Variants in MGAT5B observed in about 807,000 individuals in gnomAD.
MGAT5B encodes alpha-1,6-mannosylglycoprotein 6-beta-N-acetylglucosaminyltransferase B, also known as N-acetylglucosaminyl-transferase Vb.
MGAT5B carries 54 observed loss-of-function variants against 95.1 expected under a neutral mutation model. The observed-to-expected ratio is 0.57, with a 90% CI of 0.46 to 0.71. The LOEUF is 0.71. Among genes scored for constraint, MGAT5B ranks in the 30% least tolerant of loss-of-function variants. The pLI, the probability that MGAT5B is intolerant of heterozygous loss-of-function variation, is 0.00. For synonymous variants in MGAT5B, 464 were observed against 451.0 expected (o/e 1.03, Z -0.36); for missense variants, 935 against 1,088.6 (o/e 0.86, Z 1.99).
chr17:76,943,331 G>T (rs78531576), intron 15 of MGAT5B, among the ~76,000 whole-genome samples: 6 of 152,086 alleles, frequency 3.9e-5, no homozygotes. Context: ...CCAAACCAAC[G>T]GAGGCCCCTC....
intron 8 of MGAT5B, among the ~76,000 whole-genome samples, chr17:76,907,030 G>C (rs1968555532): frequency 6.6e-6 from 1 of 151,178 alleles, no homozygotes; most frequent in South Asian, 2.1e-4. Context: ...ACCTTAACTT[G>C]AACTTTGTGT....
chr17:76,926,492 T>C (rs1288993961), intron 9 of MGAT5B, 105 bp from the exon 10 acceptor site: 5 of 1,165,400 alleles, frequency 4.3e-6, no homozygotes, highest in South Asian at 1.5e-5. Context: ...TGTGCTACTC[T>C]GACTCCACCA....
At position 76,906,509 on chromosome 17, in the gene MGAT5B, C is replaced by T. The variant is rs956246627; in HGVS notation, c.1025+322C>T. 2.0e-5 allele frequency among the ~76,000 whole-genome samples: 3 copies of T among 152,220 alleles called. No homozygotes were observed. Among genetic ancestry groups the T allele is most frequent in the African/African-American group, 7.2e-5 (3 of 41,460 alleles). On this transcript the variant is annotated intron_variant, in intron 8 of 17. Transcript: ENST00000569840. This position sits in a 1 kb window ranked among gnomAD's most constrained non-coding sequence, Gnocchi z 4.6. ...TGAGCCACGTCTGCACGTGGGGTCC[C>T]CTCTGCCTGCCGTCCTGGAAGGCTT...
At chr17:76,895,091 C>A (rs147871526) in intron 3 of MGAT5B, among the ~76,000 whole-genome samples, 2 of 152,136 alleles carry the variant, frequency 1.3e-5, no homozygotes, top group African/African-American at 4.8e-5. Flanking sequence ...GCTCGCGTTA[C>A]CACTTGAGCT....
intron 2 of MGAT5B, among the ~76,000 whole-genome samples, chr17:76,873,586 T>C (rs1967080549): frequency 6.6e-6 from 1 of 152,210 alleles, no homozygotes; most frequent in African/African-American, 2.4e-5. Context: ...AGAGGTTGGA[T>C]TGAAGGGGCT....
intron 10 of MGAT5B, among the ~76,000 whole-genome samples, chr17:76,928,880 A>ATTTTT (rs60955244): frequency 2.7e-5 from 4 of 146,206 alleles, no homozygotes; most frequent in Non-Finnish European, 4.5e-5. Flanking sequence ...GTCATGAATA[A>ATTTTT]TTTTTTTTTT....
intron 16 of MGAT5B, 25 bp from the exon 17 acceptor site, chr17:76,947,805 C>G (rs760775878): frequency 2.0e-6 from 3 of 1,524,358 alleles, no homozygotes; most frequent in South Asian, 1.3e-5. Flanking sequence ...ACTTCCCCAC[C>G]CTGACACTGC....
At chr17:76,922,338 G>A (rs1190642989) in intron 8 of MGAT5B, among the ~76,000 whole-genome samples, 1 of 152,322 alleles carries the variant, frequency 6.6e-6, no homozygotes, top group East Asian at 1.9e-4. Context: ...CTGCAAGGAA[G>A]GATACAGAGG....
rs763130120 is a variant in MGAT5B, at chr17:76,949,052, G to A, written c.*214G>A. ...CCCTGGGACCTCCCAGGCAGGCTCC[G>A]GTTCTCTCCTGGGGACTCACAGAAG... On this transcript the variant is annotated 3_prime_UTR_variant, in exon 18 of 18. Transcript: ENST00000569840. The A allele has an allele frequency of 1.8e-5, 11 of 610,004 alleles. No individual in the cohort carries two copies. Among genetic ancestry groups the A allele is most frequent in the Middle Eastern group, 4.4e-4 (1 of 2,272 alleles). 37.8% of individuals were successfully genotyped at this position (610,004 alleles called of 1,614,324 possible).
chr17:76,911,530 C>T (rs1024341495), intron 8 of MGAT5B, among the ~76,000 whole-genome samples: 4 of 152,202 alleles, frequency 2.6e-5, no homozygotes, highest in South Asian at 2.1e-4. Flanking sequence ...CAGGGCATCA[C>T]GTGGGAACCT....
rs769734555 is a variant in MGAT5B at position 76,905,276 on chromosome 17, G to A, written c.798G>A (p.Ala266=). Reference sequence around the variant, plus strand: ...CCAAGAGGCTCACAGCCCAGTGGGCGCTGGCTGCCCAGCGCCTGGCACAGA... The same window carrying A: ...CCAAGAGGCTCACAGCCCAGTGGGCACTGGCTGCCCAGCGCCTGGCACAGA... ...KRTKRLTAQW[A]LAAQRLAQKL... is the part of the protein sequence containing the mutation. The change falls in exon 7 of 18, where the codon GCG becomes GCA. Residue 266 remains alanine, a synonymous_variant. Coordinates refer to ENST00000569840, the MANE Select transcript of MGAT5B (RefSeq NM_001199172.2). This position sits in a 1 kb window ranked among gnomAD's most constrained non-coding sequence, Gnocchi z 4.2. 5 of 1,611,234 alleles carry A rather than the reference G, an allele frequency of 3.1e-6. No homozygotes were observed. The highest frequency in any genetic ancestry group is 4.5e-5 in the East Asian group (2 of 44,798).
chr17:76,912,070 C>T lies in MGAT5B; in HGVS notation c.1025+5883C>T, dbSNP rs75588375. 0.022 allele frequency among the ~76,000 whole-genome samples: 3,365 copies of T among 152,230 alleles called. 106 individuals carry two copies. The highest frequency in any genetic ancestry group is 0.069 in the African/African-American group (2,857 of 41,532). Reference sequence around the variant, plus strand: ...CTTTGCCTGGTGGCCTCCCTGTGAGCGTGTCTGTGTCCAGATTTCCCCTCC... The same window carrying T: ...CTTTGCCTGGTGGCCTCCCTGTGAGTGTGTCTGTGTCCAGATTTCCCCTCC... On this transcript the variant is annotated intron_variant, in intron 8 of 17. Transcript: ENST00000569840. The surrounding 1 kb of genome is among the most constrained non-coding windows in gnomAD (Gnocchi z 5.0).
intron 16 of MGAT5B, 74 bp from the exon 17 acceptor site, chr17:76,947,756 G>A: frequency 1.4e-6 from 2 of 1,477,680 alleles, no homozygotes; most frequent in South Asian, 2.9e-5. Flanking sequence ...GCACGGCAGG[G>A]CCACACCTTC....
intron 2 of MGAT5B, among the ~76,000 whole-genome samples, chr17:76,879,017 G>T (rs865941391): frequency 6.6e-6 from 1 of 152,200 alleles, no homozygotes; most frequent in Admixed American, 6.5e-5. Flanking sequence ...CCTTGACTGG[G>T]CCCATGCCAC....
At chr17:76,887,938 G>A (rs781442231) in intron 3 of MGAT5B, among the ~76,000 whole-genome samples, 4 of 151,686 alleles carry the variant, frequency 2.6e-5, no homozygotes, top group Admixed American at 2.0e-4. Flanking sequence ...CAGCTCACTC[G>A]AGTAAGAGCC....
rs748063664 is a variant in MGAT5B, at chr17:76,950,351, AAAT to A, written c.*1519_*1521del. ...CTTTTTTTTAAAGATTTATTTCTTG[AAAT>A]AATAAATATTTTATTGGGATGTGAG... On this transcript the variant is annotated 3_prime_UTR_variant, in exon 18 of 18. Transcript: ENST00000569840. 4 of 152,768 alleles carry A rather than the reference AAAT, an allele frequency of 2.6e-5. No homozygotes were observed. The highest frequency in any genetic ancestry group is 1.9e-4 in the East Asian group (1 of 5,194). 9.5% of individuals were successfully genotyped at this position (152,768 alleles called of 1,614,324 possible).
At chr17:76,902,532 C>T in intron 3 of MGAT5B, 23 bp from the exon 4 acceptor site, 1 of 1,541,886 alleles carries the variant, frequency 6.5e-7, no homozygotes, top group African/African-American at 1.4e-5. Context: ...TTCTGTGGCT[C>T]ACCTCTGGCT....
At chr17:76,901,755 C>A (rs1034421823) in intron 3 of MGAT5B, among the ~76,000 whole-genome samples, 4 of 152,196 alleles carry the variant, frequency 2.6e-5, no homozygotes, top group Admixed American at 6.5e-5. Context: ...TTTATTTTGG[C>A]ACAATATGGC....
intron 8 of MGAT5B, 150 bp from the exon 9 acceptor site, chr17:76,924,816 C>G: frequency 1.0e-6 from 1 of 989,824 alleles, no homozygotes; most frequent in Non-Finnish European, 1.5e-6. Context: ...CCTACGTTAC[C>G]GTACAGGGCC....
Sources: allele counts gnomAD v4.1 joint callset (sites outside exome capture counted in the v4.1 genomes callset), GRCh38; gene constraint gnomAD v4.1.1; non-coding constraint Gnocchi (gnomAD v3.1); transcripts MANE v1.5; gene names NCBI Gene and HGNC (gene_info 2026-07-23, HGNC 2026-07-21).